Variants in ITGB3 observed in about 807,000 individuals in gnomAD.
The protein encoded by ITGB3 is integrin subunit beta 3.
In ITGB3, 48 loss-of-function variants were observed where a neutral mutation model predicts 85.8. The ratio of observed to expected loss-of-function variants is 0.56; its 90% CI spans 0.44 to 0.71. The LOEUF (loss-of-function observed/expected upper bound fraction) is 0.71. ITGB3 is among the 30% of genes least tolerant of loss of function. The probability of loss-of-function intolerance (pLI) is 0.00; values close to 1 mark genes in which losing one functional copy is unlikely to be tolerated. For synonymous variants in ITGB3, 363 were observed against 395.6 expected, an observed-to-expected ratio of 0.92 and a Z score of 0.98; for missense variants, 861 against 1,019.1, an observed-to-expected ratio of 0.84 and a Z score of 2.11.
chr17:47,287,726 T>G (rs983945931), intron 6 of ITGB3, among the ~76,000 whole-genome samples: 1 of 152,008 alleles, frequency 6.6e-6, no homozygotes. Flanking sequence ...TTGGGAAATA[T>G]AGTGAGACCC....
intron 10 of ITGB3, among the ~76,000 whole-genome samples, chr17:47,298,026 C>G (rs942686365): frequency 1.3e-5 from 2 of 152,086 alleles, no homozygotes; most frequent in East Asian, 1.9e-4. Flanking sequence ...CACTGCACTC[C>G]CAGATATGAT....
chr17:47,303,286 AC>A (rs919486302), intron 13 of ITGB3, among the ~76,000 whole-genome samples: 17 of 152,106 alleles, frequency 1.1e-4, no homozygotes, highest in African/African-American at 3.9e-4. Context: ...ACAAAAAAAA[AC>A]GATAAGTTAG....
chr17:47,291,103 G>A lies in ITGB3; in HGVS notation c.1260+15G>A, dbSNP rs1265666452. On this transcript the variant is annotated intron_variant, in intron 9 of 14. Transcript: ENST00000559488. ...TTGGAGACACGGTGAGGTGGGCTGG[G>A]CAGGGCCTTTGTCCTGGAGCATCTG... The A allele has an allele frequency of 6.2e-7, 1 of 1,613,984 alleles. No homozygotes were observed. The highest frequency in any genetic ancestry group is 2.2e-5 in the East Asian group (1 of 44,886).
At chr17:47,298,241 A>G (rs1024973991) in intron 10 of ITGB3, among the ~76,000 whole-genome samples, 3 of 152,236 alleles carry the variant, frequency 2.0e-5, no homozygotes, top group African/African-American at 7.2e-5. Flanking sequence ...ACGTGAGGTC[A>G]TTACTAGTGA....
chr17:47,286,298 A>G lies in ITGB3; in HGVS notation c.653A>G (p.His218Arg). 6.2e-7 allele frequency: 1 copy of G among 1,614,220 alleles called. No homozygotes were observed. Among genetic ancestry groups the G allele is most frequent in the Non-Finnish European group, 8.5e-7 (1 of 1,180,032 alleles). Residue 218 changes from histidine (H) to arginine (R), a missense_variant, in exon 5 of 15, where the codon CAC becomes CGC. Physicochemically the swap from His to Arg is conservative, Grantham distance 29. Coordinates refer to ENST00000559488, the MANE Select transcript of ITGB3 (RefSeq NM_000212.3). ...TGCTTGCCCATGTTTGGCTACAAAC[A>G]CGTGCTGACGCTAACTGACCAGGTG... ...TTCLPMFGYK[H>R]VLTLTDQVTR...
intron 12 of ITGB3, among the ~76,000 whole-genome samples, chr17:47,301,096 C>G (rs2065165600): frequency 6.6e-6 from 1 of 152,200 alleles, no homozygotes; most frequent in South Asian, 2.1e-4. Context: ...CCTTCTGCCT[C>G]TCTGGGGCCC....
chr17:47,280,440 T>A (rs2065079919), intron 2 of ITGB3, among the ~76,000 whole-genome samples: 1 of 152,156 alleles, frequency 6.6e-6, no homozygotes, highest in Non-Finnish European at 1.5e-5. Flanking sequence ...CACTGCAACC[T>A]CCGCCTCCCT....
chr17:47,286,525 A>C, intron 5 of ITGB3, 103 bp downstream of exon 5: 82 of 1,350,862 alleles, frequency 6.1e-5, no homozygotes, highest in Non-Finnish European at 8.0e-5. Context: ...TGAGATGAGA[A>C]CTAAGCAGGG....
chr17:47,299,545 T>G lies in ITGB3; in HGVS notation c.1913+15T>G. ...ACCTTTAAGAAGTGAGTGTGGAGTC[T>G]GGAGAGAGCCGGGAGGCTGGGAGGT... On this transcript the variant is annotated intron_variant, in intron 11 of 14. Transcript: ENST00000559488. The surrounding 1 kb of genome is among the most constrained non-coding windows in gnomAD (Gnocchi z 5.1). 6.2e-7 allele frequency: 1 copy of G among 1,611,576 alleles called. No homozygotes were observed. The highest frequency in any genetic ancestry group is 8.5e-7 in the Non-Finnish European group (1 of 1,177,840).
At chr17:47,300,966 G>A (rs114102301) in intron 12 of ITGB3, among the ~76,000 whole-genome samples, 5,829 of 152,244 alleles carry the variant, frequency 0.038, 338 homozygotes, top group African/African-American at 0.12. Flanking sequence ...GCTAGTAAGC[G>A]TTTACCAAGT....
In ITGB3 at chr17:47,258,434, C is replaced by CT. The variant is rs545172183; in HGVS notation, c.79+4507dup. 9.9e-3 allele frequency among the ~76,000 whole-genome samples: 1,433 copies of CT among 144,718 alleles called. 17 individuals carry two copies. The highest frequency in any genetic ancestry group is 0.026 in the African/African-American group (1,034 of 39,746). The allele number at this position is 144,718 out of a possible 152,430, so 94.9% of individuals were successfully genotyped here. ...CACACACAGTCTCACCAAAAACACTCTTTTTTTTTTTTTGTTAGATAATTC... is the reference window on the plus strand; with the variant it reads ...CACACACAGTCTCACCAAAAACACTCTTTTTTTTTTTTTTGTTAGATAATTC... On this transcript the variant is annotated intron_variant, in intron 1 of 14. Coordinates refer to ENST00000559488, the MANE Select transcript of ITGB3 (RefSeq NM_000212.3).
chr17:47,259,150 G>A (rs1275146107), intron 1 of ITGB3, among the ~76,000 whole-genome samples: 3 of 152,166 alleles, frequency 2.0e-5, no homozygotes, highest in Non-Finnish European at 4.4e-5. Context: ...TACTAGAGAG[G>A]ATTCTGTAGC....
intron 3 of ITGB3, 138 bp from the exon 4 acceptor site, chr17:47,284,305 G>A: frequency 1.1e-6 from 1 of 924,114 alleles, no homozygotes. Flanking sequence ...TAATAGAATT[G>A]CAAAGGAAGA....
chr17:47,259,720 A>G (rs538683171), intron 1 of ITGB3, among the ~76,000 whole-genome samples: 3 of 152,234 alleles, frequency 2.0e-5, no homozygotes, highest in African/African-American at 7.2e-5. Context: ...ACCAACATGG[A>G]GAAACCCTGT....
At chr17:47,291,519 C>T (rs1443648243) in intron 9 of ITGB3, 4 of 298,104 alleles carry the variant, frequency 1.3e-5, no homozygotes, top group South Asian at 5.3e-5. Context: ...CCTTATTGGT[C>T]GTTTCTCCTC....
At chr17:47,268,356 C>T (rs2065032925) in intron 1 of ITGB3, among the ~76,000 whole-genome samples, 1 of 152,132 alleles carries the variant, frequency 6.6e-6, no homozygotes, top group African/African-American at 2.4e-5. Context: ...CCTGAAAGTC[C>T]AAGTCCAAAG....
chr17:47,262,263 G>C (rs534014426), intron 1 of ITGB3, among the ~76,000 whole-genome samples: 12 of 152,226 alleles, frequency 7.9e-5, no homozygotes, highest in Non-Finnish European at 1.6e-4. Flanking sequence ...GGGGGAGGAA[G>C]GCTGCAGAAC....
intron 1 of ITGB3, among the ~76,000 whole-genome samples, chr17:47,272,700 C>CTTCTTTCTTTCTTTCCTTCT (rs2065049331): frequency 7.2e-6 from 1 of 139,620 alleles, no homozygotes; most frequent in Admixed American, 7.4e-5. Flanking sequence ...TCTTTCTTTC[C>CTTCTTTCTTTCTTTCCTTCT]TTCTTTCTTT....
chr17:47,293,093 C>T (rs1168529572), intron 10 of ITGB3, among the ~76,000 whole-genome samples: 2 of 152,200 alleles, frequency 1.3e-5, no homozygotes, highest in African/African-American at 4.8e-5. Flanking sequence ...TTCTTCAGCT[C>T]ATCAGTGGCC....
Sources: allele counts gnomAD v4.1 joint callset (sites outside exome capture counted in the v4.1 genomes callset), GRCh38; gene constraint gnomAD v4.1.1; non-coding constraint Gnocchi (gnomAD v3.1); transcripts MANE v1.5; gene names NCBI Gene and HGNC (gene_info 2026-07-23, HGNC 2026-07-21).